The following EHMT1 variants were observed in gnomAD, a reference collection of about 807,000 sequenced individuals.
EHMT1 encodes the protein euchromatic histone lysine methyltransferase 1, also known as histone-lysine N-methyltransferase EHMT1.
Under a neutral mutation model 147.2 loss-of-function variants are expected in EHMT1, and 15 were observed. The observed-to-expected ratio is 0.10, with a 90% confidence interval of 0.07 to 0.16. EHMT1 has a LOEUF of 0.16. Ranked by LOEUF, EHMT1 falls within the 10% of genes least tolerant of loss-of-function variation. The pLI, the probability that EHMT1 is intolerant of heterozygous loss-of-function variation, is 1.00. For synonymous variants in EHMT1, 795 were observed against 709.6 expected, an observed-to-expected ratio of 1.12 and a Z score of -1.91; for missense variants, 1,587 against 1,772.4, an observed-to-expected ratio of 0.90 and a Z score of 1.88.
intron 9 of EHMT1, among the ~76,000 whole-genome samples, chr9:137,761,678 C>T (rs1377151946): frequency 2.0e-5 from 3 of 151,984 alleles, no homozygotes; most frequent in African/African-American, 2.4e-5. Context: ...AGGAGGGTCT[C>T]GATCTCCTGA....
At chr9:137,770,959 G>A (rs187690042) in intron 10 of EHMT1, among the ~76,000 whole-genome samples, 233 of 151,826 alleles carry the variant, frequency 1.5e-3, no homozygotes, top group Admixed American at 2.4e-3. Flanking sequence ...CTGTGTACTT[G>A]TTATAAACCC....
intron 10 of EHMT1, among the ~76,000 whole-genome samples, chr9:137,770,056 G>C (rs2136518997): frequency 6.6e-6 from 1 of 152,162 alleles, no homozygotes; most frequent in East Asian, 1.9e-4. Context: ...AGGCTGGTGT[G>C]GAACTCCTGA....
intron 1 of EHMT1, among the ~76,000 whole-genome samples, chr9:137,665,247 A>C (rs1028056581): frequency 2.0e-5 from 3 of 152,236 alleles, no homozygotes; most frequent in Non-Finnish European, 4.4e-5. Context: ...AAGAGCTACA[A>C]ACAACTTGGT....
At chr9:137,639,059 TATTCA>T (rs142427940) in intron 1 of EHMT1, among the ~76,000 whole-genome samples, 1,665 of 152,348 alleles carry the variant, frequency 0.011, 23 homozygotes, top group African/African-American at 0.038. Context: ...TTTTCATTTT[TATTCA>T]GTTCAGAATA....
intron 16 of EHMT1, chr9:137,795,009 AAAT>A (rs1952792303): frequency 6.6e-6 from 1 of 152,192 alleles, no homozygotes; most frequent in Non-Finnish European, 1.5e-5. Flanking sequence ...ATTTAAACTC[AAAT>A]AATGTCATAA....
intron 18 of EHMT1, among the ~76,000 whole-genome samples, chr9:137,805,356 C>T (rs903596768): frequency 6.6e-5 from 10 of 151,870 alleles, no homozygotes; most frequent in African/African-American, 2.4e-4. Flanking sequence ...CAGTTGTCTG[C>T]GTATGTATCA....
At chr9:137,641,322 A>G in intron 1 of EHMT1, 1 of 472,080 alleles carries the variant, frequency 2.1e-6, no homozygotes. Context: ...TCTCATTCAG[A>G]TGAAATTCTT....
At chr9:137,705,942 C>A (rs1194280580) in intron 1 of EHMT1, among the ~76,000 whole-genome samples, 1 of 152,216 alleles carries the variant, frequency 6.6e-6, no homozygotes, top group African/African-American at 2.4e-5. Flanking sequence ...CAGTGCCTCC[C>A]TCTCCTGGAC....
rs78073112 is a variant in EHMT1, at chr9:137,803,143, G to A, written c.2712+2159G>A. Reference sequence around the variant, plus strand: ...CAGAGCTGTTAGCTCTCTGATGCTGGTGGCTGTTCCCCCAGAATGGAAGCA... The same window carrying A: ...CAGAGCTGTTAGCTCTCTGATGCTGATGGCTGTTCCCCCAGAATGGAAGCA... On this transcript the variant is annotated intron_variant, in intron 18 of 26. Transcript: ENST00000460843. 1.6e-3 allele frequency: 1,936 copies of A among 1,228,058 alleles called. 33 individuals carry two copies. The African/African-American group carries it at 0.028, about 18-fold the overall frequency. 76.1% of individuals were successfully genotyped at this position (1,228,058 alleles called of 1,614,324 possible).
chr9:137,712,029 C>T (rs1004049660), intron 2 of EHMT1, among the ~76,000 whole-genome samples: 3 of 152,226 alleles, frequency 2.0e-5, no homozygotes, highest in African/African-American at 4.8e-5. Context: ...GACCGCTGCC[C>T]GCCTCTGCCG....
intron 25 of EHMT1, among the ~76,000 whole-genome samples, chr9:137,822,770 G>A (rs1023481821): frequency 6.6e-6 from 1 of 151,946 alleles, no homozygotes; most frequent in Non-Finnish European, 1.5e-5. Flanking sequence ...GCGCATGCCT[G>A]TAATCCCAGT....
chr9:137,777,840 T>G lies in EHMT1; in HGVS notation c.2019-42T>G, dbSNP rs1005252232. On this transcript the variant is annotated intron_variant, in intron 12 of 26. Transcript: ENST00000460843. Reference sequence around the variant, plus strand: ...CAGTCAGAGTCGGAACAGGCCATGTTTCGTGTTTTCATAAACCTTTCCCCG... The same window carrying G: ...CAGTCAGAGTCGGAACAGGCCATGTGTCGTGTTTTCATAAACCTTTCCCCG... The G allele has an allele frequency of 4.3e-6, 7 of 1,609,316 alleles. No individual in the cohort carries two copies. In the African/African-American group the frequency reaches 9.4e-5, roughly 22 times the overall value.
Position 137,814,301 on chromosome 9 carries a change from C to T in EHMT1, c.3181-130C>T, listed in dbSNP as rs1042950553. 3 of 960,756 alleles carry T rather than the reference C, an allele frequency of 3.1e-6. No individual in the cohort carries two copies. The African/African-American group carries it at 4.8e-5, about 15-fold the overall frequency. 59.5% of individuals were successfully genotyped at this position (960,756 alleles called of 1,614,324 possible). ...AGCCTTCTCCCTAAGAGGCCACACA[C>T]TCACGTGGTGCCTTTGAGAAGCACT... On this transcript the variant is annotated intron_variant, in intron 21 of 26. Transcript: ENST00000460843.
intron 18 of EHMT1, among the ~76,000 whole-genome samples, chr9:137,807,658 C>A (rs1336753652): frequency 4.6e-5 from 7 of 152,088 alleles, no homozygotes. Flanking sequence ...CAGGCGCGCA[C>A]GACCACGCCT....
At chr9:137,724,436 G>A (rs1296500244) in intron 3 of EHMT1, among the ~76,000 whole-genome samples, 3 of 152,332 alleles carry the variant, frequency 2.0e-5, no homozygotes, top group African/African-American at 7.2e-5. Context: ...CTTGTGCTTT[G>A]TTAGGTAACA....
intron 24 of EHMT1, chr9:137,817,855 A>G (rs1017162551): frequency 4.7e-6 from 3 of 639,608 alleles, no homozygotes; most frequent in Non-Finnish European, 8.3e-6. Context: ...CCGCAGACGC[A>G]GAGCTTTCGG....
chr9:137,827,011 C>CG (rs1258566161), intron 25 of EHMT1, among the ~76,000 whole-genome samples: 5 of 152,172 alleles, frequency 3.3e-5, no homozygotes, highest in Admixed American at 2.6e-4. Flanking sequence ...TCATGTTGGC[C>CG]GGGGGGTCCC....
At chr9:137,784,050 T>A in intron 15 of EHMT1, 1 of 842,968 alleles carries the variant, frequency 1.2e-6, no homozygotes. Context: ...TCTCTAGCTA[T>A]AAGAGAATAC....
At chr9:137,757,124 C>CTTAT (rs1949435962) in intron 8 of EHMT1, among the ~76,000 whole-genome samples, 2 of 152,228 alleles carry the variant, frequency 1.3e-5, no homozygotes, top group African/African-American at 2.4e-5. Flanking sequence ...TGATTACAAA[C>CTTAT]ACCCAATTTT....
Sources: allele counts gnomAD v4.1 joint callset (sites outside exome capture counted in the v4.1 genomes callset), GRCh38; gene constraint gnomAD v4.1.1; transcripts MANE v1.5; gene names NCBI Gene and HGNC (gene_info 2026-07-23, HGNC 2026-07-21).